The following S1PR4 variants were observed in gnomAD, a reference collection of about 807,000 sequenced individuals.
S1PR4 encodes sphingosine 1-phosphate receptor 4.
S1PR4 carries 1 observed loss-of-function variant against 0.4 expected under a neutral mutation model. The ratio of observed to expected loss-of-function variants is 2.48; its 90% CI spans 0.88 to 11.76. The LOEUF (loss-of-function observed/expected upper bound fraction) is 11.76, where lower values mean the gene tolerates loss of function less well. Among genes scored for constraint, S1PR4 ranks in the 30% most tolerant of loss-of-function variants. The pLI, the probability that S1PR4 is intolerant of heterozygous loss-of-function variation, is 0.12. For synonymous variants in S1PR4, 296 were observed against 266.7 expected, an observed-to-expected ratio of 1.11 and a Z score of -1.07; for missense variants, 595 against 557.8, an observed-to-expected ratio of 1.07 and a Z score of -0.67.
At position 3,179,050 on chromosome 19, in the gene S1PR4, G is replaced by A; in HGVS notation, c.258G>A (p.Val86=). 1.9e-6 allele frequency: 3 copies of A among 1,608,454 alleles called. No individual in the cohort carries two copies. Among genetic ancestry groups the A allele is most frequent in the Non-Finnish European group, 2.5e-6 (3 of 1,179,564 alleles). The change falls in exon 1 of 1, where the codon GTG becomes GTA. Residue 86 remains valine (V), a synonymous_variant. Coordinates refer to ENST00000246115, the MANE Select transcript of S1PR4 (RefSeq NM_003775.4). ...GACGCTGGGTCTACTATTGCCTGGT[G>A]AACATCACGCTGAGTGACCTGCTCA... is the stretch of plus-strand genomic sequence containing the variant. The part of the protein sequence containing the change: ...RSRRWVYYCL[V]NITLSDLLTG...
Position 3,179,605 on chromosome 19 carries a change from G to C in S1PR4, c.813G>C (p.Leu271=). The change falls in exon 1 of 1, where the codon CTG becomes CTC. Residue 271 remains leucine, a synonymous_variant. Transcript: ENST00000246115. Reference sequence around the variant, plus strand: ...GCTGGGGCCCACTCTTCGGGCTGCTGCTGGCCGACGTCTTTGGCTCCAACC... The same window carrying C: ...GCTGGGGCCCACTCTTCGGGCTGCTCCTGGCCGACGTCTTTGGCTCCAACC... ...LVCWGPLFGL[L]LADVFGSNLW... is the part of the protein sequence containing the mutation. 1.2e-6 allele frequency: 2 copies of C among 1,613,160 alleles called. No individual in the cohort carries two copies.
In S1PR4 at chr19:3,179,896, C is replaced by A. The variant is rs1477695249; in HGVS notation, c.1104C>A (p.Ser368Arg). 2.6e-6 allele frequency: 4 copies of A among 1,522,828 alleles called. No individual in the cohort carries two copies. The highest frequency in any genetic ancestry group is 1.8e-6 in the Non-Finnish European group (2 of 1,136,414). 94.3% of individuals were successfully genotyped at this position (1,522,828 alleles called of 1,614,324 possible). A position where few individuals can be genotyped will look rare whatever the true frequency, so the allele number is the denominator to read the frequency against. Residue 368 changes from serine (S) to arginine (R), a missense_variant, in exon 1 of 1, where the codon AGC becomes AGA. Transcript: ENST00000246115. ...GCTTTCGCGGCTCCCGCTCGCTCAGCTTTCGGATGCGGGAGCCCCTGTCCA... is the reference window on the plus strand; with the variant it reads ...GCTTTCGCGGCTCCCGCTCGCTCAGATTTCGGATGCGGGAGCCCCTGTCCA... ...RDSFRGSRSL[S>R]FRMREPLSSI...
chr19:3,178,782 C>CG lies in S1PR4; in HGVS notation c.-6dup, dbSNP rs759850472. On this transcript the variant is annotated 5_prime_UTR_variant, in exon 1 of 1. Transcript: ENST00000246115. ...CCTGCGTCGGGCCTCAGTCAGCCCCCGGGGGAGGCCATGAACGCCACGGGG... is the reference window on the plus strand; with the variant it reads ...CCTGCGTCGGGCCTCAGTCAGCCCCCGGGGGGAGGCCATGAACGCCACGGGG... The CG allele has an allele frequency of 4.1e-6, 6 of 1,471,778 alleles. No homozygotes were observed. The highest frequency in any genetic ancestry group is 2.7e-5 in the South Asian group (2 of 73,916). The allele number at this position is 1,471,778 out of a possible 1,614,324, so 91.2% of individuals were successfully genotyped here. A position where few individuals can be genotyped will look rare whatever the true frequency, so the allele number is the denominator to read the frequency against.
rs764692788 is a variant in S1PR4 at position 3,179,161 on chromosome 19, C to T, written c.369C>T (p.Gly123=). The T allele has an allele frequency of 2.0e-5, 33 of 1,611,472 alleles. No individual in the cohort carries two copies. Among genetic ancestry groups the T allele is most frequent in the Non-Finnish European group, 2.4e-5 (28 of 1,179,312 alleles). The part of the protein sequence containing the change: ...LAPAQWFLRE[G]LLFTALAAST... ...CCGCCCAGTGGTTCCTACGGGAGGG[C>T]CTGCTCTTCACCGCCCTGGCCGCCT... Residue 123 remains glycine (G), a synonymous_variant, in exon 1 of 1, where the codon GGC becomes GGT. Transcript: ENST00000246115.
In S1PR4 at chr19:3,178,941, G is replaced by A. The variant is rs754628854; in HGVS notation, c.149G>A (p.Arg50Gln). Residue 50 changes from arginine to glutamine, a missense_variant, in exon 1 of 1, where the codon CGG becomes CAG. Transcript: ENST00000246115. ...GPEDGGLGAL[R>Q]GLSVAASCLV... ...GAGGATGGCGGCCTGGGGGCCCTGC[G>A]GGGGCTGTCGGTGGCCGCCAGCTGC... 4.4e-5 allele frequency: 68 copies of A among 1,536,978 alleles called. No individual in the cohort carries two copies. Among genetic ancestry groups the A allele is most frequent in the Admixed American group, 1.8e-4 (9 of 50,886 alleles).
rs79175715 is a variant in S1PR4 at position 3,179,083 on chromosome 19, G to A, written c.291G>A (p.Ala97=). The change falls in exon 1 of 1, where the codon GCG becomes GCA. Residue 97 remains alanine (A), a synonymous_variant. Coordinates refer to ENST00000246115, the MANE Select transcript of S1PR4 (RefSeq NM_003775.4). ...NITLSDLLTG[A]AYLANVLLSG... ...CGCTGAGTGACCTGCTCACGGGCGC[G>A]GCCTACCTGGCCAACGTGCTGCTGT... is the stretch of plus-strand genomic sequence containing the variant. 598 of 1,610,626 alleles carry A rather than the reference G, an allele frequency of 3.7e-4. 6 individuals carry two copies. The Admixed American group carries it at 7.0e-3, about 19-fold the overall frequency.
Position 3,179,366 on chromosome 19 carries a change from C to T in S1PR4, c.574C>T (p.Arg192Cys), listed in dbSNP as rs759562496. The T allele has an allele frequency of 3.0e-5, 48 of 1,613,118 alleles. 1 individual carries two copies. The highest frequency in any genetic ancestry group is 3.5e-5 in the Non-Finnish European group (41 of 1,179,928). ...CTGGAACTGCCTGTGCGCCTTTGAC[C>T]GCTGCTCCAGCCTTCTGCCCCTCTA... ...LGWNCLCAFD[R>C]CSSLLPLYSK... Residue 192 changes from arginine to cysteine, a missense_variant, in exon 1 of 1, where the codon CGC (arginine) becomes TGC (cysteine). Transcript: ENST00000246115.
chr19:3,179,263 C>A lies in S1PR4; in HGVS notation c.471C>A (p.Thr157=). ...GGCCGGTGGCCGAGAGCGGGGCCAC[C>A]AAGACCAGCCGCGTCTACGGCTTCA... ...MVRPVAESGA[T]KTSRVYGFIG... is the part of the protein sequence containing the mutation. The change falls in exon 1 of 1, where the codon ACC becomes ACA. Residue 157 remains threonine (T), a synonymous_variant. Coordinates refer to ENST00000246115, the MANE Select transcript of S1PR4 (RefSeq NM_003775.4). The A allele has an allele frequency of 6.2e-7, 1 of 1,602,044 alleles. No homozygotes were observed. Among genetic ancestry groups the A allele is most frequent in the Non-Finnish European group, 8.5e-7 (1 of 1,174,108 alleles).
At position 3,179,553 on chromosome 19, in the gene S1PR4, T is replaced by C. The variant is rs781231234; in HGVS notation, c.761T>C (p.Leu254Pro). Residue 254 changes from leucine (L) to proline (P), a missense_variant, in exon 1 of 1, where the codon CTG becomes CCG. Physicochemically the swap from Leu to Pro is moderately conservative, Grantham distance 98. Coordinates refer to ENST00000246115, the MANE Select transcript of S1PR4 (RefSeq NM_003775.4). ...GCCCGCCGCCTGCTGAAGACGGTGC[T>C]GATGATCCTGCTGGCCTTCCTGGTG... Reference protein sequence around the residue: ...RKARRLLKTVLMILLAFLVCW... With the variant: ...RKARRLLKTVPMILLAFLVCW... 1.9e-6 allele frequency: 3 copies of C among 1,612,802 alleles called. No homozygotes were observed. The highest frequency in any genetic ancestry group is 2.5e-6 in the Non-Finnish European group (3 of 1,179,826).
In S1PR4 at chr19:3,178,812, C is replaced by T. The variant is rs1331021654; in HGVS notation, c.20C>T (p.Pro7Leu). The change falls in exon 1 of 1, where the codon CCG becomes CTG. Residue 7 changes from proline (P) to leucine (L), a missense_variant. Transcript: ENST00000246115. MNATGT[P>L]VAPESCQQLA... ...GAGGCCATGAACGCCACGGGGACCC[C>T]GGTGGCCCCCGAGTCCTGCCAACAG... The T allele has an allele frequency of 7.9e-6, 12 of 1,517,724 alleles. No individual in the cohort carries two copies. Among genetic ancestry groups the T allele is most frequent in the Middle Eastern group, 4.5e-4 (2 of 4,416 alleles). The allele number at this position is 1,517,724 out of a possible 1,614,324, so 94.0% of individuals were successfully genotyped here.
Position 3,179,549 on chromosome 19 carries a change from G to T in S1PR4, c.757G>T (p.Val253Leu). ...RRKARRLLKT[V>L]LMILLAFLVC... ...CAAGGCCCGCCGCCTGCTGAAGACG[G>T]TGCTGATGATCCTGCTGGCCTTCCT... is the stretch of plus-strand genomic sequence containing the variant. Residue 253 changes from valine (V) to leucine (L), a missense_variant, in exon 1 of 1, where the codon GTG (valine) becomes TTG (leucine). Coordinates refer to ENST00000246115, the MANE Select transcript of S1PR4 (RefSeq NM_003775.4). 6.2e-7 allele frequency: 1 copy of T among 1,612,816 alleles called. No homozygotes were observed. Among genetic ancestry groups the T allele is most frequent in the Non-Finnish European group, 8.5e-7 (1 of 1,179,816 alleles).
At position 3,178,842 on chromosome 19, in the gene S1PR4, C is replaced by A; in HGVS notation, c.50C>A (p.Ala17Glu). The change falls in exon 1 of 1, where the codon GCG becomes GAG. Residue 17 changes from alanine (A) to glutamate (E), a missense_variant. By Grantham distance (107) the Ala-to-Glu change is moderately radical (BLOSUM62 -1). Coordinates refer to ENST00000246115, the MANE Select transcript of S1PR4 (RefSeq NM_003775.4). The stretch of plus-strand genomic sequence containing the variant: ...GCCCCCGAGTCCTGCCAACAGCTGG[C>A]GGCCGGCGGGCACAGCCGGCTCATT... ...PVAPESCQQL[A>E]AGGHSRLIVL... 1 of 1,535,072 alleles carries A rather than the reference C, an allele frequency of 6.5e-7. No individual in the cohort carries two copies. Among genetic ancestry groups the A allele is most frequent in the Non-Finnish European group, 8.7e-7 (1 of 1,147,298 alleles).
chr19:3,180,315 T>C lies in S1PR4; in HGVS notation c.*368T>C, dbSNP rs1915524654. On this transcript the variant is annotated 3_prime_UTR_variant, in exon 1 of 1. Coordinates refer to ENST00000246115, the MANE Select transcript of S1PR4 (RefSeq NM_003775.4). The stretch of plus-strand genomic sequence containing the variant: ...TGTGGGATGCATGCCCTGGCAACAT[T>C]GAAGTTCGATCATGGTACGTGATGT... The C allele has an allele frequency of 4.1e-6, 1 of 245,752 alleles. No homozygotes were observed. Among genetic ancestry groups the C allele is most frequent in the Admixed American group, 5.7e-5 (1 of 17,594 alleles). The allele number at this position is 245,752 out of a possible 1,614,324, so 15.2% of individuals were successfully genotyped here.
chr19:3,179,323 G>T lies in S1PR4; in HGVS notation c.531G>T (p.Gly177=), dbSNP rs1288877851. The T allele has an allele frequency of 2.0e-5, 33 of 1,612,420 alleles. No homozygotes were observed. The highest frequency in any genetic ancestry group is 3.3e-5 in the Admixed American group (2 of 59,954). ...GCTGGCTGCTGGCCGCGCTGCTGGGGATGCTGCCTTTGCTGGGCTGGAACT... is the reference window on the plus strand; with the variant it reads ...GCTGGCTGCTGGCCGCGCTGCTGGGTATGCTGCCTTTGCTGGGCTGGAACT... ...GLCWLLAALL[G]MLPLLGWNCL... Residue 177 remains glycine, a synonymous_variant, in exon 1 of 1, where the codon GGG becomes GGT. Coordinates refer to ENST00000246115, the MANE Select transcript of S1PR4 (RefSeq NM_003775.4).
In S1PR4 at chr19:3,180,034, C is replaced by T. The variant is rs1024146673; in HGVS notation, c.*87C>T. ...GGTACAGGAAGCTGTGTGCACGCAGCCTCGCCTGTATGGGGAGCAGGGAAC... is the reference window on the plus strand; with the variant it reads ...GGTACAGGAAGCTGTGTGCACGCAGTCTCGCCTGTATGGGGAGCAGGGAAC... On this transcript the variant is annotated 3_prime_UTR_variant, in exon 1 of 1. Transcript: ENST00000246115. The T allele has an allele frequency of 3.8e-6, 5 of 1,313,482 alleles. No homozygotes were observed. The African/African-American group carries it at 7.5e-5, about 20-fold the overall frequency. The allele number at this position is 1,313,482 out of a possible 1,614,324, so 81.4% of individuals were successfully genotyped here.
In S1PR4 at chr19:3,179,018, C is replaced by T. The variant is rs780965127; in HGVS notation, c.226C>T (p.Arg76Trp). The T allele has an allele frequency of 4.4e-6, 7 of 1,598,666 alleles. No individual in the cohort carries two copies. Among genetic ancestry groups the T allele is most frequent in the African/African-American group, 4.0e-5 (3 of 74,734 alleles). ...GCTGGCGGCCATCACCAGCCACATGCGGTCGCGACGCTGGGTCTACTATTG... is the reference window on the plus strand; with the variant it reads ...GCTGGCGGCCATCACCAGCCACATGTGGTCGCGACGCTGGGTCTACTATTG... ...LVLAAITSHM[R>W]SRRWVYYCLV... Residue 76 changes from arginine to tryptophan, a missense_variant, in exon 1 of 1, where the codon CGG becomes TGG. Physicochemically the swap from Arg to Trp is moderately radical, Grantham distance 101. Coordinates refer to ENST00000246115, the MANE Select transcript of S1PR4 (RefSeq NM_003775.4).
In S1PR4 at chr19:3,178,968, T is replaced by C; in HGVS notation, c.176T>C (p.Leu59Pro). The C allele has an allele frequency of 6.4e-7, 1 of 1,562,500 alleles. No individual in the cohort carries two copies. The highest frequency in any genetic ancestry group is 8.6e-7 in the Non-Finnish European group (1 of 1,160,368). Reference sequence around the variant, plus strand: ...GGGCTGTCGGTGGCCGCCAGCTGCCTGGTGGTGCTGGAGAACTTGCTGGTG... The same window carrying C: ...GGGCTGTCGGTGGCCGCCAGCTGCCCGGTGGTGCTGGAGAACTTGCTGGTG... Reference protein sequence around the residue: ...LRGLSVAASCLVVLENLLVLA... With the variant: ...LRGLSVAASCPVVLENLLVLA... Residue 59 changes from leucine to proline, a missense_variant, in exon 1 of 1, where the codon CTG becomes CCG. Transcript: ENST00000246115.
rs776238408 is a variant in S1PR4 at position 3,178,905 on chromosome 19, G to A, written c.113G>A (p.Arg38His). ...HYNHSGRLAG[R>H]GGPEDGGLGA... ...AACCACTCGGGCCGGCTGGCCGGGC[G>A]CGGGGGGCCGGAGGATGGCGGCCTG... Residue 38 changes from arginine to histidine, a missense_variant, in exon 1 of 1, where the codon CGC becomes CAC. By Grantham distance (29) the Arg-to-His change is conservative. Coordinates refer to ENST00000246115, the MANE Select transcript of S1PR4 (RefSeq NM_003775.4). 3.5e-5 allele frequency: 53 copies of A among 1,522,650 alleles called. No individual in the cohort carries two copies. Among genetic ancestry groups the A allele is most frequent in the East Asian group, 4.9e-5 (2 of 40,526 alleles). 94.3% of individuals were successfully genotyped at this position (1,522,650 alleles called of 1,614,324 possible).
Position 3,178,777 on chromosome 19 carries a change from GC to G in S1PR4, c.-11del, listed in dbSNP as rs1212934062. On this transcript the variant is annotated 5_prime_UTR_variant, in exon 1 of 1. Coordinates refer to ENST00000246115, the MANE Select transcript of S1PR4 (RefSeq NM_003775.4). ...TCCACCCTGCGTCGGGCCTCAGTCA[GC>G]CCCCGGGGGAGGCCATGAACGCCAC... The G allele has an allele frequency of 2.1e-6, 3 of 1,461,554 alleles. No individual in the cohort carries two copies. The highest frequency in any genetic ancestry group is 5.2e-5 in the East Asian group (2 of 38,750). The allele number at this position is 1,461,554 out of a possible 1,614,324, so 90.5% of individuals were successfully genotyped here. A position where few individuals can be genotyped will look rare whatever the true frequency, so the allele number is the denominator to read the frequency against.
Sources: allele counts gnomAD v4.1 joint callset, GRCh38; gene constraint gnomAD v4.1.1; transcripts MANE v1.5; gene names NCBI Gene and HGNC (gene_info 2026-07-23, HGNC 2026-07-21).